The following IQUB variants were observed in gnomAD, a reference collection of about 807,000 sequenced individuals.
The protein encoded by IQUB is IQ motif and ubiquitin domain containing.
In IQUB, 86 loss-of-function variants were observed where a neutral mutation model predicts 86.4. That is an observed-to-expected ratio of 1.00 (90% CI 0.84 to 1.19). The LOEUF is 1.19. Ranked by LOEUF, IQUB falls within the 50% of genes most tolerant of loss-of-function variation. IQUB has a pLI of 0.00. For missense variants in IQUB, 946 were observed against 916.9 expected, an observed-to-expected ratio of 1.03 and a Z score of -0.41; for synonymous variants, 289 against 304.5, an observed-to-expected ratio of 0.95 and a Z score of 0.53.
chr7:123,472,302 C>T (rs189159602), intron 8 of IQUB, among the ~76,000 whole-genome samples: 1 of 151,940 alleles, frequency 6.6e-6, no homozygotes, highest in East Asian at 1.9e-4. Flanking sequence ...AGAAATTTCT[C>T]ATGTAGTTCT....
chr7:123,503,505 A>G (rs1188296600), intron 3 of IQUB, 142 bp from the exon 4 acceptor site: 1 of 545,562 alleles, frequency 1.8e-6, no homozygotes, highest in Non-Finnish European at 3.2e-6. Flanking sequence ...ATTGTGAAGT[A>G]GCTTAATACA....
In IQUB at chr7:123,452,810, T is replaced by G. The variant is rs1334246637; in HGVS notation, c.2309A>C (p.Glu770Ala). 1 of 1,613,522 alleles carries G rather than the reference T, an allele frequency of 6.2e-7. No homozygotes were observed. Among genetic ancestry groups the G allele is most frequent in the Admixed American group, 1.7e-5 (1 of 59,978 alleles). Reference protein sequence around the residue: ...SFILDDGEIDEIRWKYHSDTT... With the variant: ...SFILDDGEIDAIRWKYHSDTT... ...GTCTGAGTGATACTTCCATCTGATCTCATCAATTTCACCATCATCAAGTAT... is the reference window on the plus strand; with the variant it reads ...GTCTGAGTGATACTTCCATCTGATCGCATCAATTTCACCATCATCAAGTAT... The change falls in exon 13 of 13, where the codon GAG (glutamate) becomes GCG (alanine). Residue 770 changes from glutamate to alanine, a missense_variant. Physicochemically the swap from Glu to Ala is moderately radical, Grantham distance 107. Coordinates refer to ENST00000324698, the MANE Select transcript of IQUB (RefSeq NM_178827.5).
chr7:123,504,049 C>A (rs1012276731), intron 3 of IQUB, among the ~76,000 whole-genome samples: 2 of 152,092 alleles, frequency 1.3e-5, no homozygotes, highest in Non-Finnish European at 2.9e-5. Flanking sequence ...ACAGGACATA[C>A]CCATATCAAG....
intron 7 of IQUB, among the ~76,000 whole-genome samples, chr7:123,483,342 T>C (rs981022405): frequency 1.3e-5 from 2 of 152,138 alleles, no homozygotes; most frequent in Non-Finnish European, 2.9e-5. Context: ...ATTTACTTAA[T>C]AAACCATCTA....
chr7:123,455,271 A>C (rs574311960), intron 12 of IQUB, among the ~76,000 whole-genome samples: 56 of 152,200 alleles, frequency 3.7e-4, no homozygotes, highest in African/African-American at 1.3e-3. Flanking sequence ...TTGAAACCAT[A>C]TATTGTAATT....
intron 7 of IQUB, among the ~76,000 whole-genome samples, chr7:123,493,798 C>T (rs568758382): frequency 5.6e-5 from 8 of 142,108 alleles, no homozygotes; most frequent in African/African-American, 2.1e-4. Flanking sequence ...TATACATATA[C>T]ACAAGTAGTA....
At chr7:123,517,558 G>GA (rs1796703660) in intron 1 of IQUB, among the ~76,000 whole-genome samples, 1 of 82,118 alleles carries the variant, frequency 1.2e-5, no homozygotes, top group South Asian at 4.6e-4. Context: ...AAAAAAAAAA[G>GA]AAAGAGACCC....
intron 10 of IQUB, chr7:123,462,651 G>T (rs970197567): frequency 3.8e-6 from 1 of 264,902 alleles, no homozygotes; most frequent in Admixed American, 4.2e-5. Context: ...AACTTATCTG[G>T]TTCCTTTTCT....
rs145085412 is a variant in IQUB at position 123,502,943 on chromosome 7, C to A, written c.867+1G>T. 6.2e-7 allele frequency: 1 copy of A among 1,601,872 alleles called. No individual in the cohort carries two copies. Among genetic ancestry groups the A allele is most frequent in the African/African-American group, 1.4e-5 (1 of 74,008 alleles). Reference sequence around the variant, plus strand: ...CCTAAAGAGACAAATAAAAACATTACCTGCGTATCCCTACAAAATATACTG... The same window carrying A: ...CCTAAAGAGACAAATAAAAACATTAACTGCGTATCCCTACAAAATATACTG... On this transcript the variant is annotated splice_donor_variant, in intron 5 of 12. Transcript: ENST00000324698. LOFTEE classifies it high-confidence loss of function.
intron 7 of IQUB, among the ~76,000 whole-genome samples, chr7:123,495,165 A>G (rs951388206): frequency 3.9e-5 from 6 of 152,098 alleles, no homozygotes; most frequent in Admixed American, 3.9e-4. Flanking sequence ...CCAGAGGACA[A>G]TGATTAGGAT....
intron 1 of IQUB, among the ~76,000 whole-genome samples, chr7:123,522,682 G>A (rs1045316035): frequency 8.5e-5 from 13 of 152,102 alleles, no homozygotes; most frequent in South Asian, 2.1e-4. Flanking sequence ...ATAATTACTC[G>A]TTTTATAAAG....
At chr7:123,510,237 G>C (rs996512809) in intron 2 of IQUB, among the ~76,000 whole-genome samples, 2 of 152,028 alleles carry the variant, frequency 1.3e-5, no homozygotes, top group Admixed American at 6.6e-5. Flanking sequence ...ATATTTAGTT[G>C]CTTTGAAAAT....
At chr7:123,456,236 A>C (rs1793691303) in intron 12 of IQUB, among the ~76,000 whole-genome samples, 1 of 152,126 alleles carries the variant, frequency 6.6e-6, no homozygotes, top group South Asian at 2.1e-4. Context: ...AATTTGATTA[A>C]ATGCACAAAG....
intron 7 of IQUB, among the ~76,000 whole-genome samples, chr7:123,487,803 T>C (rs868705534): frequency 6.6e-6 from 1 of 152,184 alleles, no homozygotes; most frequent in Non-Finnish European, 1.5e-5. Context: ...CACTTCCATA[T>C]GTGTATACTG....
chr7:123,518,199 C>T (rs766177579), intron 1 of IQUB, among the ~76,000 whole-genome samples: 10 of 151,864 alleles, frequency 6.6e-5, no homozygotes, highest in South Asian at 2.1e-4. Context: ...ACTGTCAATA[C>T]TGACCTGAAA....
chr7:123,461,997 C>T (rs2116972338), intron 10 of IQUB, among the ~76,000 whole-genome samples: 1 of 151,870 alleles, frequency 6.6e-6, no homozygotes, highest in South Asian at 2.1e-4. Context: ...AGTAAAAACC[C>T]ACTAACCCAA....
intron 1 of IQUB, among the ~76,000 whole-genome samples, chr7:123,525,862 C>T (rs1584658540): frequency 6.7e-6 from 1 of 149,296 alleles, no homozygotes; most frequent in Admixed American, 6.7e-5. Flanking sequence ...TCCCTCTACA[C>T]ACTGCTTTGA....
At chr7:123,507,805 G>A (rs377428528) in intron 3 of IQUB, among the ~76,000 whole-genome samples, 13 of 151,742 alleles carry the variant, frequency 8.6e-5, no homozygotes, top group African/African-American at 2.2e-4. Context: ...CCTGGGAGGC[G>A]GAGGTTGCAG....
At chr7:123,515,058 A>T (rs1182111166) in intron 1 of IQUB, among the ~76,000 whole-genome samples, 3 of 152,068 alleles carry the variant, frequency 2.0e-5, no homozygotes, top group East Asian at 1.9e-4. Flanking sequence ...GCTCAATTTT[A>T]AAAAAAATCA....
Sources: gnomAD v4.1 joint callset for allele counts (sites outside exome capture counted in the v4.1 genomes callset) on GRCh38, gnomAD v4.1.1 for gene constraint, MANE v1.5 for transcripts, NCBI Gene and HGNC (gene_info 2026-07-23, HGNC 2026-07-21) for gene names.